The following ARFGEF3 variants were observed in gnomAD, a reference collection of about 807,000 sequenced individuals.
ARFGEF3 encodes the protein brefeldin A-inhibited guanine nucleotide-exchange protein 3.
ARFGEF3 carries 96 observed loss-of-function variants against 221.7 expected under a neutral mutation model. That is an observed-to-expected ratio of 0.43 (90% CI 0.37 to 0.51). The LOEUF (loss-of-function observed/expected upper bound fraction) is 0.51. Among genes scored for constraint, ARFGEF3 ranks in the 20% least tolerant of loss-of-function variants. The pLI is 0.00. For missense variants in ARFGEF3, 2,410 were observed against 2,789.9 expected, an observed-to-expected ratio of 0.86 and a Z score of 3.07; for synonymous variants, 1,145 against 1,126.8, an observed-to-expected ratio of 1.02 and a Z score of -0.32.
At chr6:138,182,290 T>A (rs1318665476) in intron 2 of ARFGEF3, among the ~76,000 whole-genome samples, 1 of 152,164 alleles carries the variant, frequency 6.6e-6, no homozygotes, top group East Asian at 1.9e-4. Context: ...TTATTTGCAA[T>A]TTATGGGAAG....
intron 4 of ARFGEF3, chr6:138,218,470 C>G (rs1277648184): frequency 2.1e-6 from 3 of 1,458,372 alleles, no homozygotes; most frequent in Non-Finnish European, 2.7e-6. Context: ...CATCAATTAG[C>G]CACCTCGATA....
At chr6:138,262,320 G>A (rs1778811136) in intron 11 of ARFGEF3, among the ~76,000 whole-genome samples, 1 of 151,690 alleles carries the variant, frequency 6.6e-6, no homozygotes, top group South Asian at 2.1e-4. Context: ...TTCCTGAGTA[G>A]CTGGGATTAC....
intron 10 of ARFGEF3, 135 bp downstream of exon 10, chr6:138,255,904 A>G: frequency 2.7e-6 from 2 of 743,304 alleles, no homozygotes; most frequent in African/African-American, 1.8e-5. Context: ...CCAGTAGCGA[A>G]TGCTGTCTCT....
At chr6:138,304,544 G>A (rs769040793) in intron 22 of ARFGEF3, among the ~76,000 whole-genome samples, 16 of 152,122 alleles carry the variant, frequency 1.1e-4, no homozygotes, top group South Asian at 2.1e-4. Flanking sequence ...CTAAAGCAGC[G>A]CTTAAAATTC....
intron 4 of ARFGEF3, among the ~76,000 whole-genome samples, chr6:138,226,818 G>A (rs1456827619): frequency 1.3e-5 from 2 of 152,164 alleles, no homozygotes; most frequent in Admixed American, 6.5e-5. Context: ...AGCATTGGGA[G>A]CATCAACAAT....
intron 33 of ARFGEF3, among the ~76,000 whole-genome samples, chr6:138,335,946 C>CA (rs1780313035): frequency 6.6e-6 from 1 of 152,028 alleles, no homozygotes; most frequent in Non-Finnish European, 1.5e-5. Flanking sequence ...TATGGTGCAT[C>CA]AAAAAATGAG....
Position 138,334,914 on chromosome 6 carries a change from C to G in ARFGEF3, c.6068C>G (p.Ser2023Ter). The G allele has an allele frequency of 6.3e-7, 1 of 1,590,908 alleles. No homozygotes were observed. Among genetic ancestry groups the G allele is most frequent in the Non-Finnish European group, 8.6e-7 (1 of 1,169,412 alleles). ...ACCATGGCAGCCGACAAGACCATTT[C>G]AAAGTTGATGACCGAATACAAAAAG... ...IYTMAADKTISKLMTEYKKRK... is the reference protein window; with the variant it reads ...IYTMAADKTI The change falls in exon 33 of 34, where the codon TCA becomes TGA. Residue 2023 changes from serine (S) to a stop codon, truncating the protein, a stop_gained. Coordinates refer to ENST00000251691, the MANE Select transcript of ARFGEF3 (RefSeq NM_020340.5). LOFTEE classifies it high-confidence loss of function. This position sits in a 1 kb window ranked among gnomAD's most constrained non-coding sequence, Gnocchi z 5.1.
chr6:138,175,718 G>T (rs1467089291), intron 2 of ARFGEF3, among the ~76,000 whole-genome samples: 1 of 152,188 alleles, frequency 6.6e-6, no homozygotes, highest in African/African-American at 2.4e-5. Flanking sequence ...AGAATATTCT[G>T]CAGTTGTTGA....
At chr6:138,232,780 C>T (rs1778217393) in intron 5 of ARFGEF3, among the ~76,000 whole-genome samples, 1 of 152,114 alleles carries the variant, frequency 6.6e-6, no homozygotes, top group Non-Finnish European at 1.5e-5. Flanking sequence ...CAATAAGTGG[C>T]ATTTTACATG....
rs199958283 is a variant in ARFGEF3 at position 138,239,546 on chromosome 6, G to A, written c.543+915G>A. On this transcript the variant is annotated intron_variant, in intron 6 of 33. Transcript: ENST00000251691. ...CACCTGTAATCCCAGCTACTTGGGA[G>A]GCTGAGGCAGGAGAATCGCTTGAAC... Among the ~76,000 whole-genome samples the A allele has an allele frequency of 1.1e-4, 17 of 151,904 alleles. No homozygotes were observed. The East Asian group carries it at 3.1e-3, about 28-fold the overall frequency.
intron 2 of ARFGEF3, among the ~76,000 whole-genome samples, chr6:138,186,903 T>C (rs1777196415): frequency 5.0e-4 from 1 of 1,990 alleles, no homozygotes; most frequent in South Asian, 0.026. Context: ...ATCCTTTTTC[T>C]TTTTTTTTTT....
chr6:138,260,209 G>A (rs770671175), intron 10 of ARFGEF3, among the ~76,000 whole-genome samples: 3 of 152,176 alleles, frequency 2.0e-5, no homozygotes, highest in South Asian at 2.1e-4. Context: ...TGGAAGCTTC[G>A]TTTATGTTCC....
At chr6:138,239,827 T>C (rs1778360866) in intron 6 of ARFGEF3, among the ~76,000 whole-genome samples, 2 of 152,144 alleles carry the variant, frequency 1.3e-5, no homozygotes, top group South Asian at 2.1e-4. Flanking sequence ...TTAGAGATGA[T>C]CTAGTCAAAT....
Position 138,263,505 on chromosome 6 carries a change from G to A in ARFGEF3, c.2022G>A (p.Arg674=), listed in dbSNP as rs752612014. 4.3e-6 allele frequency: 7 copies of A among 1,613,622 alleles called. No individual in the cohort carries two copies. The South Asian group carries it at 4.4e-5, about 10-fold the overall frequency. ...AGGAGGCGGATCAGCACAGCGCCAG[G>A]CTGTTCATACAGTCCCTGGAAGGCC... ...KNQEADQHSA[R]LFIQSLEGLL... Residue 674 remains arginine (R), a synonymous_variant, in exon 12 of 34, where the codon AGG becomes AGA. Coordinates refer to ENST00000251691, the MANE Select transcript of ARFGEF3 (RefSeq NM_020340.5).
chr6:138,318,151 A>AT (rs1779959634), intron 27 of ARFGEF3, among the ~76,000 whole-genome samples: 1 of 152,160 alleles, frequency 6.6e-6, no homozygotes, highest in African/African-American at 2.4e-5. Context: ...AGTTTATATT[A>AT]TTTTTTAAAA....
At chr6:138,209,209 C>T (rs543714965) in intron 3 of ARFGEF3, among the ~76,000 whole-genome samples, 131 of 152,174 alleles carry the variant, frequency 8.6e-4, no homozygotes, top group Non-Finnish European at 1.6e-3. Context: ...AAGATAAAAA[C>T]CTGAAAAATG....
At chr6:138,213,357 C>T (rs1323143194) in intron 4 of ARFGEF3, among the ~76,000 whole-genome samples, 1 of 151,262 alleles carries the variant, frequency 6.6e-6, no homozygotes, top group Non-Finnish European at 1.5e-5. Context: ...GCTTGGGTTG[C>T]TGAGGCTGGA....
intron 5 of ARFGEF3, among the ~76,000 whole-genome samples, chr6:138,230,506 T>G (rs1374508937): frequency 6.6e-6 from 1 of 152,212 alleles, no homozygotes; most frequent in Non-Finnish European, 1.5e-5. Context: ...TCTACAGGAT[T>G]TGTATGTTCT....
rs547116829 is a variant in ARFGEF3, at chr6:138,337,631, T to C, written c.*1145T>C. ...AGTAATGGAGAAAGACACTGAAATTTAGAAAATTTTGTCGATTTAAAATAT... is the reference window on the plus strand; with the variant it reads ...AGTAATGGAGAAAGACACTGAAATTCAGAAAATTTTGTCGATTTAAAATAT... On this transcript the variant is annotated 3_prime_UTR_variant, in exon 34 of 34. Transcript: ENST00000251691. 6.3e-4 allele frequency: 96 copies of C among 152,420 alleles called. No homozygotes were observed. Among genetic ancestry groups the C allele is most frequent in the African/African-American group, 2.3e-3 (94 of 41,576 alleles). 9.4% of individuals were successfully genotyped at this position (152,420 alleles called of 1,614,324 possible). A position where few individuals can be genotyped will look rare whatever the true frequency, so the allele number is the denominator to read the frequency against.
Sources: allele counts gnomAD v4.1 joint callset (sites outside exome capture counted in the v4.1 genomes callset), GRCh38; gene constraint gnomAD v4.1.1; non-coding constraint Gnocchi (gnomAD v3.1); transcripts MANE v1.5; gene names NCBI Gene and HGNC (gene_info 2026-07-23, HGNC 2026-07-21).